Variants in FCSK observed in about 807,000 individuals in gnomAD.
FCSK encodes the protein L-fucose kinase.
A neutral mutation model predicts 122.5 loss-of-function variants in FCSK; 123 were observed. That is an observed-to-expected ratio of 1.00 (90% CI 0.87 to 1.17). The LOEUF is 1.17. FCSK is among the 50% of genes most tolerant of loss of function. The probability of loss-of-function intolerance (pLI) is 0.00; values close to 1 mark genes in which losing one functional copy is unlikely to be tolerated. For synonymous variants in FCSK, 620 were observed against 625.5 expected (o/e 0.99, Z 0.13); for missense variants, 1,366 against 1,450.4 (o/e 0.94, Z 0.95).
intron 10 of FCSK, 52 bp downstream of exon 10, chr16:70,469,375 C>T: frequency 6.6e-7 from 1 of 1,505,570 alleles, no homozygotes; most frequent in Non-Finnish European, 8.9e-7. Flanking sequence ...GGAGTGAGGA[C>T]CCCAAGAATG....
chr16:70,479,230 A>C lies in FCSK; in HGVS notation c.2980A>C (p.Lys994Gln), dbSNP rs199515460. The stretch of plus-strand genomic sequence containing the variant: ...CCTGACCTCGTACTGGGAGCAGAAG[A>C]AGCTCATGGCTCCAGGCTGTGAGCC... ...QCLTSYWEQK[K>Q]LMAPGCEPLT... The change falls in exon 23 of 24, where the codon AAG becomes CAG. Residue 994 changes from lysine (K) to glutamine (Q), a missense_variant. Lys to Gln is a moderately conservative substitution (Grantham distance 53). Coordinates refer to ENST00000288078, the MANE Select transcript of FCSK (RefSeq NM_145059.3). The C allele has an allele frequency of 1.7e-4, 275 of 1,613,892 alleles. 1 individual carries two copies. Among genetic ancestry groups the C allele is most frequent in the Middle Eastern group, 1.7e-3 (10 of 6,052 alleles).
At chr16:70,472,699 C>T (rs758816993) in intron 14 of FCSK, 94 bp downstream of exon 14, 53 of 1,063,528 alleles carry the variant, frequency 5.0e-5, no homozygotes, top group South Asian at 1.1e-4. Flanking sequence ...CAGAGCAGCA[C>T]GGGCCGTGTT....
chr16:70,473,092 C>A lies in FCSK; in HGVS notation c.1516C>A (p.Leu506Met). 3.8e-6 allele frequency: 6 copies of A among 1,588,386 alleles called. No homozygotes were observed. Among genetic ancestry groups the A allele is most frequent in the Non-Finnish European group, 5.1e-6 (6 of 1,168,310 alleles). ...PSRELGPQDL[L>M]WMLDHQEDGG... ...GAGGGAGCTGGGACCCCAGGACCTGCTGTGGATGCTGGACCACCAGGAGGA... is the reference window on the plus strand; with the variant it reads ...GAGGGAGCTGGGACCCCAGGACCTGATGTGGATGCTGGACCACCAGGAGGA... Residue 506 changes from leucine to methionine, a missense_variant, in exon 15 of 24, where the codon CTG becomes ATG. Leu to Met is a conservative substitution (Grantham distance 15). Coordinates refer to ENST00000288078, the MANE Select transcript of FCSK (RefSeq NM_145059.3). The surrounding 1 kb of genome is among the most constrained non-coding windows in gnomAD (Gnocchi z 4.9).
In FCSK at chr16:70,463,243, A is replaced by G; in HGVS notation, c.53A>G (p.Tyr18Cys). 6.2e-7 allele frequency: 1 copy of G among 1,614,062 alleles called. No homozygotes were observed. The highest frequency in any genetic ancestry group is 2.2e-5 in the East Asian group (1 of 44,868). ...DWTVIILTCQ[Y>C]KDSVQVFQRE... ...ACAGTCATCATCCTGACCTGCCAGT[A>G]CAAGGACAGTGTCCAGGTCTTTCAG... Residue 18 changes from tyrosine to cysteine, a missense_variant, in exon 2 of 24, where the codon TAC becomes TGC. Physicochemically the swap from Tyr to Cys is radical, Grantham distance 194. Transcript: ENST00000288078.
Position 70,463,658 on chromosome 16 carries a change from G to C in FCSK, c.118G>C (p.Ala40Pro). ...EVRQKREQIP[A>P]GTLLLAVEDP... ...GCGGCAGAAGCGGGAGCAGATCCCT[G>C]CTGGGACGCTGTTACTGGCCGTGGA... Residue 40 changes from alanine (A) to proline (P), a missense_variant, in exon 3 of 24, where the codon GCT becomes CCT. Transcript: ENST00000288078. 6.2e-7 allele frequency: 1 copy of C among 1,613,510 alleles called. No homozygotes were observed. Among genetic ancestry groups the C allele is most frequent in the Non-Finnish European group, 8.5e-7 (1 of 1,180,034 alleles).
At chr16:70,472,704 C>T (rs2048667172) in intron 14 of FCSK, 99 bp downstream of exon 14, 5 of 1,020,268 alleles carry the variant, frequency 4.9e-6, no homozygotes, top group Admixed American at 5.1e-5. Flanking sequence ...CAGCACGGGC[C>T]GTGTTACCAT....
At chr16:70,460,047 C>T (rs910487944) in intron 1 of FCSK, among the ~76,000 whole-genome samples, 8 of 151,694 alleles carry the variant, frequency 5.3e-5, no homozygotes, top group African/African-American at 1.9e-4. Context: ...GGCAGTCCTG[C>T]CCCTGTCTCC....
intron 20 of FCSK, 181 bp downstream of exon 20, chr16:70,475,948 C>A: frequency 1.7e-6 from 1 of 596,962 alleles, no homozygotes; most frequent in Non-Finnish European, 2.7e-6. Flanking sequence ...CTGAAATGTT[C>A]TACCTCCCAA....
In FCSK at chr16:70,479,377, T is replaced by C. The variant is rs1313613445; in HGVS notation, c.3127T>C (p.Leu1043=). The C allele has an allele frequency of 1.9e-6, 3 of 1,613,680 alleles. No individual in the cohort carries two copies. Among genetic ancestry groups the C allele is most frequent in the East Asian group, 4.5e-5 (2 of 44,876 alleles). ...CAAGGAGCCACAGCAAAAGGAGGCC[T>C]TGGAGGCGGTGCTGGCCAAGACCGA... ...LTKEPQQKEA[L]EAVLAKTEGL... is the part of the protein sequence containing the mutation. Residue 1043 remains leucine, a synonymous_variant, in exon 23 of 24, where the codon TTG becomes CTG. Transcript: ENST00000288078.
chr16:70,474,989 C>CA lies in FCSK; in HGVS notation c.2355_2356insA (p.Tyr786IlefsTer31). ...GCCGGTGCCTGGCTGACCTGCGGGA[C>CA]TACTGCCAGCCTCATGCCCCAGGTC... is the stretch of plus-strand genomic sequence containing the variant. On this transcript the variant is annotated frameshift_variant, in exon 18 of 24. Coordinates refer to ENST00000288078, the MANE Select transcript of FCSK (RefSeq NM_145059.3). LOFTEE classifies it high-confidence loss of function. 1 of 1,606,018 alleles carries CA rather than the reference C, an allele frequency of 6.2e-7. No homozygotes were observed. The highest frequency in any genetic ancestry group is 8.5e-7 in the Non-Finnish European group (1 of 1,177,302).
In FCSK at chr16:70,471,063, C is replaced by T. The variant is rs1242586141; in HGVS notation, c.1161C>T (p.Cys387=). 10 of 1,600,204 alleles carry T rather than the reference C, an allele frequency of 6.2e-6. No individual in the cohort carries two copies. Among genetic ancestry groups the T allele is most frequent in the Middle Eastern group, 1.7e-4 (1 of 6,032 alleles). ...GTCCTGGGAGCGTCCTGCAGCACTGCCACCTGCAGGTGAGGCCTGAGCGTG... is the reference window on the plus strand; with the variant it reads ...GTCCTGGGAGCGTCCTGCAGCACTGTCACCTGCAGGTGAGGCCTGAGCGTG... ...QLGPGSVLQH[C]HLQGPIHIGA... Residue 387 remains cysteine, a synonymous_variant, in exon 12 of 24, where the codon TGC becomes TGT. Transcript: ENST00000288078.
At chr16:70,472,703 C>T in intron 14 of FCSK, 98 bp downstream of exon 14, 2 of 1,027,112 alleles carry the variant, frequency 1.9e-6, no homozygotes, top group Non-Finnish European at 2.9e-6. Flanking sequence ...GCAGCACGGG[C>T]CGTGTTACCA....
At position 70,465,983 on chromosome 16, in the gene FCSK, A is replaced by T. The variant is rs570291728; in HGVS notation, c.286-149A>T. On this transcript the variant is annotated intron_variant, in intron 4 of 23. Coordinates refer to ENST00000288078, the MANE Select transcript of FCSK (RefSeq NM_145059.3). ...TTGCAGTGCAATGCAATGCAATGCA[A>T]TGCATAATATAAAAATATATTGTAG... The T allele has an allele frequency of 2.0e-4, 162 of 808,382 alleles. 2 individuals carry two copies. The highest frequency in any genetic ancestry group is 1.6e-3 in the South Asian group (93 of 58,628). 50.1% of individuals were successfully genotyped at this position (808,382 alleles called of 1,614,324 possible). A position where few individuals can be genotyped will look rare whatever the true frequency, so the allele number is the denominator to read the frequency against.
intron 20 of FCSK, 185 bp from the exon 21 acceptor site, chr16:70,478,087 G>C (rs557962792): frequency 6.5e-6 from 4 of 613,250 alleles, no homozygotes; most frequent in South Asian, 6.0e-5. Flanking sequence ...TTGCCCTAGA[G>C]TGAAGCCCAT....
chr16:70,463,572 G>T, intron 2 of FCSK, 51 bp from the exon 3 acceptor site: 1 of 1,603,042 alleles, frequency 6.2e-7, no homozygotes, highest in Non-Finnish European at 8.5e-7. Context: ...ACGTGCTTTG[G>T]GCCAGGGCAG....
In FCSK at chr16:70,473,256, C is replaced by A; in HGVS notation, c.1680C>A (p.His560Gln). ...FFRQALHKAR[H>Q]VLEARQDLSL... is the part of the protein sequence containing the mutation. ...GCCAGGCCCTGCATAAGGCGCGGCA[C>A]GTGCTGGAGGCCCGGCAGGACCTCA... Residue 560 changes from histidine to glutamine, a missense_variant, in exon 15 of 24, where the codon CAC (histidine) becomes CAA (glutamine). Coordinates refer to ENST00000288078, the MANE Select transcript of FCSK (RefSeq NM_145059.3). This position sits in a 1 kb window ranked among gnomAD's most constrained non-coding sequence, Gnocchi z 4.9. 2.0e-6 allele frequency: 3 copies of A among 1,532,264 alleles called. No individual in the cohort carries two copies. The highest frequency in any genetic ancestry group is 2.6e-6 in the Non-Finnish European group (3 of 1,143,466). 94.9% of individuals were successfully genotyped at this position (1,532,264 alleles called of 1,614,324 possible).
At chr16:70,458,915 T>C (rs1426080299) in intron 1 of FCSK, among the ~76,000 whole-genome samples, 1 of 151,894 alleles carries the variant, frequency 6.6e-6, no homozygotes, top group African/African-American at 2.4e-5. Context: ...GACCCTGTAG[T>C]GGGGAGCATG....
In FCSK at chr16:70,469,316, T is replaced by TA. The variant is rs1029350467; in HGVS notation, c.949dup (p.Thr317AsnfsTer19). 6 of 1,596,536 alleles carry TA rather than the reference T, an allele frequency of 3.8e-6. No homozygotes were observed. The highest frequency in any genetic ancestry group is 1.7e-5 in the Admixed American group (1 of 58,966). On this transcript the variant is annotated frameshift_variant, in exon 10 of 24. Transcript: ENST00000288078. LOFTEE classifies it high-confidence loss of function. ...GGAGGGAGCTTCGCGATCAGCCCCT[T>TA]ACCATGGGTGGGTACTGCCTCTCAG...
chr16:70,467,002 C>A, intron 6 of FCSK, 48 bp downstream of exon 6: 1 of 1,565,902 alleles, frequency 6.4e-7, no homozygotes, highest in Non-Finnish European at 8.8e-7. Context: ...ACAGCCACAG[C>A]AAGAAGCCAG....
Sources: allele counts gnomAD v4.1 joint callset (sites outside exome capture counted in the v4.1 genomes callset), GRCh38; gene constraint gnomAD v4.1.1; non-coding constraint Gnocchi (gnomAD v3.1); transcripts MANE v1.5; gene names NCBI Gene and HGNC (gene_info 2026-07-23, HGNC 2026-07-21).